PDE9A: variants seen among roughly 807,000 people sequenced by gnomAD.
The protein encoded by PDE9A is phosphodiesterase 9A.
In PDE9A, 60 loss-of-function variants were observed where a neutral mutation model predicts 87.4. The observed-to-expected ratio is 0.69, with a 90% CI of 0.56 to 0.85. PDE9A has a LOEUF of 0.85. PDE9A is among the 40% of genes least tolerant of loss of function. The pLI, the probability that PDE9A is intolerant of heterozygous loss-of-function variation, is 0.00. For missense variants in PDE9A, 665 were observed against 779.0 expected (o/e 0.85, Z 1.74); for synonymous variants, 272 against 279.4 (o/e 0.97, Z 0.27).
chr21:42,700,015 C>T (rs1381802658), intron 4 of PDE9A, among the ~76,000 whole-genome samples: 4 of 152,172 alleles, frequency 2.6e-5, no homozygotes, highest in Non-Finnish European at 5.9e-5. Context: ...CCTAGAAAAG[C>T]TCTCTCTTGC....
chr21:42,691,711 C>T (rs1369780172), intron 3 of PDE9A, among the ~76,000 whole-genome samples: 1 of 151,528 alleles, frequency 6.6e-6, no homozygotes, highest in Non-Finnish European at 1.5e-5. Flanking sequence ...AGTCACCAGC[C>T]TCTTCACCAT....
intron 10 of PDE9A, among the ~76,000 whole-genome samples, chr21:42,755,482 C>T (rs1325457091): frequency 3.9e-5 from 6 of 152,208 alleles, no homozygotes; most frequent in African/African-American, 9.7e-5. Context: ...CCAGCCGCCA[C>T]GTGGCAACTT....
At chr21:42,736,981 T>G (rs2839580) in intron 7 of PDE9A, among the ~76,000 whole-genome samples, 67,664 of 152,192 alleles carry the variant, frequency 0.44, 16,051 homozygotes, top group East Asian at 0.87. Context: ...CAGCAGAGCC[T>G]TAACCCAAAG....
intron 4 of PDE9A, among the ~76,000 whole-genome samples, chr21:42,712,111 C>CTATATAAT (rs1254956786): frequency 5.9e-5 from 9 of 151,782 alleles, no homozygotes; most frequent in Non-Finnish European, 1.0e-4. Context: ...ATTTTATTTA[C>CTATATAAT]TATATAATTT....
Position 42,695,866 on chromosome 21 carries a change from G to A in PDE9A, c.219-3102G>A, listed in dbSNP as rs973113435. Among the ~76,000 whole-genome samples the A allele has an allele frequency of 2.0e-5, 3 of 152,186 alleles. No homozygotes were observed. The highest frequency in any genetic ancestry group is 4.8e-5 in the African/African-American group (2 of 41,430). Reference sequence around the variant, plus strand: ...TGAGCCAAGAGTTGACTCATTCATGGGAGCAACATAACGGGTTGTGAGAAG... The same window carrying A: ...TGAGCCAAGAGTTGACTCATTCATGAGAGCAACATAACGGGTTGTGAGAAG... On this transcript the variant is annotated intron_variant, in intron 3 of 19. Transcript: ENST00000291539. This position sits in a 1 kb window ranked among gnomAD's most constrained non-coding sequence, Gnocchi z 4.3.
chr21:42,673,150 G>A (rs1021187940), intron 1 of PDE9A, among the ~76,000 whole-genome samples: 5 of 152,150 alleles, frequency 3.3e-5, no homozygotes, highest in African/African-American at 1.2e-4. Context: ...CTTTGCAGCC[G>A]AAGAATCAGA....
intron 15 of PDE9A, among the ~76,000 whole-genome samples, chr21:42,766,477 T>G (rs2056414479): frequency 6.6e-6 from 1 of 152,210 alleles, no homozygotes. Context: ...AGCATCACTT[T>G]CCACCTCCAG....
intron 7 of PDE9A, among the ~76,000 whole-genome samples, chr21:42,736,064 C>G (rs1446551753): frequency 6.6e-6 from 1 of 152,070 alleles, no homozygotes; most frequent in African/African-American, 2.4e-5. Flanking sequence ...CCGCGGGCAG[C>G]AGGTGCCTCC....
chr21:42,716,077 G>A (rs562037007), intron 4 of PDE9A, among the ~76,000 whole-genome samples: 2 of 151,792 alleles, frequency 1.3e-5, no homozygotes, highest in Admixed American at 6.6e-5. Context: ...CGGCATCTTA[G>A]CATTGAAGCA....
Position 42,686,257 on chromosome 21 carries a change from G to C in PDE9A, c.135G>C (p.Leu45=), listed in dbSNP as rs201894737. 1.2e-6 allele frequency: 2 copies of C among 1,613,174 alleles called. No individual in the cohort carries two copies. Among genetic ancestry groups the C allele is most frequent in the East Asian group, 4.5e-5 (2 of 44,868 alleles). Residue 45 remains leucine, a synonymous_variant, in exon 2 of 20, where the codon CTG becomes CTC. Transcript: ENST00000291539. ...IMDLFCIATG[L]PRNTTISLLT... is the part of the protein sequence containing the mutation. ...ACCTGTTCTGCATCGCCACCGGCCT[G>C]CCTCGGTGAGTGCGCGCTGCGGGCT...
At position 42,692,782 on chromosome 21, in the gene PDE9A, C is replaced by T. The variant is rs1344951262; in HGVS notation, c.218+4788C>T. 6.6e-6 allele frequency among the ~76,000 whole-genome samples: 1 copy of T among 152,174 alleles called. No individual in the cohort carries two copies. Among genetic ancestry groups the T allele is most frequent in the African/African-American group, 2.4e-5 (1 of 41,438 alleles). ...TTTGGCCCTGCCTCCCCCTTGGCTT[C>T]TCCCCTCTTCCTCTCCTCCACTCGG... On this transcript the variant is annotated intron_variant, in intron 3 of 19. Transcript: ENST00000291539. This position sits in a 1 kb window ranked among gnomAD's most constrained non-coding sequence, Gnocchi z 4.3.
chr21:42,726,624 A>ATATATATATATATATTTTTT, intron 4 of PDE9A, among the ~76,000 whole-genome samples: 1 of 19,776 alleles, frequency 5.1e-5, no homozygotes, highest in African/African-American at 3.4e-4. Context: ...ATATATATAT[A>ATATATATATATATATTTTTT]TTTTTTTTTT....
chr21:42,702,567 T>A lies in PDE9A; in HGVS notation c.262+3556T>A, dbSNP rs7283778. On this transcript the variant is annotated intron_variant, in intron 4 of 19. Transcript: ENST00000291539. The surrounding 1 kb of genome is among the most constrained non-coding windows in gnomAD (Gnocchi z 4.9). ...CACAGGAATGCACGCTGGTTCATCATCTGGTTTTGTTTCTCCCAGTTAAGA... is the reference window on the plus strand; with the variant it reads ...CACAGGAATGCACGCTGGTTCATCAACTGGTTTTGTTTCTCCCAGTTAAGA... Among the ~76,000 whole-genome samples, 6,062 of 152,292 alleles carry A rather than the reference T, an allele frequency of 0.04. 403 individuals carry two copies. Among genetic ancestry groups the A allele is most frequent in the African/African-American group, 0.14 (5,774 of 41,532 alleles).
At chr21:42,667,571 A>G (rs1486223722) in intron 1 of PDE9A, among the ~76,000 whole-genome samples, 1 of 152,142 alleles carries the variant, frequency 6.6e-6, no homozygotes, top group Non-Finnish European at 1.5e-5. Context: ...GAAGAATGAA[A>G]GCACTTGGCC....
In PDE9A at chr21:42,723,773, G is replaced by A. The variant is rs558608982; in HGVS notation, c.263-7997G>A. Among the ~76,000 whole-genome samples the A allele has an allele frequency of 1.3e-5, 2 of 152,084 alleles. No individual in the cohort carries two copies. Among genetic ancestry groups the A allele is most frequent in the South Asian group, 2.1e-4 (1 of 4,830 alleles). On this transcript the variant is annotated intron_variant, in intron 4 of 19. Transcript: ENST00000291539. The surrounding 1 kb of genome is among the most constrained non-coding windows in gnomAD (Gnocchi z 4.3). ...CTCGGGGGCTTATTTGCAATCTCCC[G>A]ATTTGCTCAAAAACTTCCAGGTCCA...
At position 42,754,143 on chromosome 21, in the gene PDE9A, C is replaced by T. The variant is rs940830357; in HGVS notation, c.810+79C>T. On this transcript the variant is annotated intron_variant, in intron 10 of 19. Transcript: ENST00000291539. ...TGGACGCCAGTGGGACCACCCCCAT[C>T]GCTCTTCCTCCTTCTTGCTTTTTCC... 3.0e-5 allele frequency: 23 copies of T among 760,070 alleles called. 2 individuals carry two copies. The Middle Eastern group carries it at 2.1e-3, about 70-fold the overall frequency. The allele number at this position is 760,070 out of a possible 1,614,324, so 47.1% of individuals were successfully genotyped here. A position where few individuals can be genotyped will look rare whatever the true frequency, so the allele number is the denominator to read the frequency against.
rs1268715661 is a variant in PDE9A at position 42,660,352 on chromosome 21, T to C, written c.69+6469T>C. ...AGCTTCCAGGAGCAGGTGCGGGGCC[T>C]GCAGGGACGGCTCGCAGAGAAGGCA... On this transcript the variant is annotated intron_variant, in intron 1 of 19. Transcript: ENST00000291539. This position sits in a 1 kb window ranked among gnomAD's most constrained non-coding sequence, Gnocchi z 4.7. 6.6e-6 allele frequency among the ~76,000 whole-genome samples: 1 copy of C among 152,158 alleles called. No homozygotes were observed. Among genetic ancestry groups the C allele is most frequent in the Non-Finnish European group, 1.5e-5 (1 of 67,992 alleles).
chr21:42,686,280 G>GCTCTGCCCGGTGACGCCACGCGGC lies in PDE9A; in HGVS notation c.140+22_140+45dup, dbSNP rs1434429796. The GCTCTGCCCGGTGACGCCACGCGGC allele has an allele frequency of 6.2e-7, 1 of 1,604,034 alleles. No homozygotes were observed. Among genetic ancestry groups the GCTCTGCCCGGTGACGCCACGCGGC allele is most frequent in the Non-Finnish European group, 8.5e-7 (1 of 1,171,086 alleles). ...CTGCCTCGGTGAGTGCGCGCTGCGG[G>GCTCTGCCCGGTGACGCCACGCGGC]CTCTGCCCGGTGACGCCACGCGGCC... On this transcript the variant is annotated intron_variant, in intron 2 of 19. Transcript: ENST00000291539.
intron 8 of PDE9A, among the ~76,000 whole-genome samples, chr21:42,745,299 T>A (rs1477666395): frequency 1.3e-5 from 2 of 152,190 alleles, no homozygotes; most frequent in Admixed American, 6.5e-5. Flanking sequence ...GAGCCTGTCC[T>A]ACAGGGACCG....
Sources: gnomAD v4.1 joint callset for allele counts (sites outside exome capture counted in the v4.1 genomes callset) on GRCh38, gnomAD v4.1.1 for gene constraint, Gnocchi (gnomAD v3.1) non-coding constraint, MANE v1.5 for transcripts, NCBI Gene and HGNC (gene_info 2026-07-23, HGNC 2026-07-21) for gene names.